The following FAM184A variants were observed in gnomAD, a reference collection of about 807,000 sequenced individuals.
FAM184A encodes family with sequence similarity 184 member A.
A neutral mutation model predicts 143.8 loss-of-function variants in FAM184A; 99 were observed. The ratio of observed to expected loss-of-function variants is 0.69; its 90% confidence interval spans 0.58 to 0.81. FAM184A has a LOEUF of 0.81. FAM184A is among the 40% of genes least tolerant of loss of function. The pLI is 0.00. For synonymous variants in FAM184A, 427 were observed against 446.4 expected (o/e 0.96, Z 0.55); for missense variants, 1,217 against 1,310.5 (o/e 0.93, Z 1.10).
chr6:119,076,748 G>A lies in FAM184A; in HGVS notation c.159+1393C>T, dbSNP rs188045703. 1.0e-3 allele frequency among the ~76,000 whole-genome samples: 156 copies of A among 152,232 alleles called. 2 individuals carry two copies. Among genetic ancestry groups the A allele is most frequent in the South Asian group, 5.2e-3 (25 of 4,824 alleles). ...TGCTTCATTCAGGACATCAATATTC[G>A]GAAGATCAAACACTACTGCAGGAAG... On this transcript the variant is annotated intron_variant, in intron 1 of 17. Transcript: ENST00000338891.
At chr6:118,971,451 AT>A (rs201748869) in intron 14 of FAM184A, among the ~76,000 whole-genome samples, 5,977 of 152,234 alleles carry the variant, frequency 0.039, 291 homozygotes, top group African/African-American at 0.11. Flanking sequence ...TCTCAGAACC[AT>A]CTTTTTGCAT....
chr6:119,047,911 A>G (rs957126844), intron 1 of FAM184A, among the ~76,000 whole-genome samples: 20 of 152,186 alleles, frequency 1.3e-4, no homozygotes, highest in African/African-American at 4.8e-4. Context: ...AAAACCTAGC[A>G]GAGACACACA....
intron 14 of FAM184A, among the ~76,000 whole-genome samples, chr6:118,973,735 A>G (rs1343329752): frequency 6.6e-6 from 1 of 152,202 alleles, no homozygotes; most frequent in African/African-American, 2.4e-5. Flanking sequence ...ATCAGTTTAC[A>G]AGCATCTAGG....
intron 1 of FAM184A, among the ~76,000 whole-genome samples, chr6:119,127,729 C>T (rs1249972583): frequency 2.6e-5 from 4 of 152,094 alleles, no homozygotes; most frequent in Admixed American, 1.3e-4. Context: ...TCCTTCCTTC[C>T]CAAGATGTCA....
At chr6:119,061,372 T>C (rs955954297) in intron 1 of FAM184A, among the ~76,000 whole-genome samples, 2 of 151,844 alleles carry the variant, frequency 1.3e-5, no homozygotes, top group African/African-American at 4.8e-5. Flanking sequence ...TTTTTTTTAA[T>C]AGAGACAAGG....
intron 14 of FAM184A, among the ~76,000 whole-genome samples, chr6:118,971,897 A>G (rs999087799): frequency 2.6e-5 from 4 of 152,200 alleles, no homozygotes; most frequent in African/African-American, 9.6e-5. Context: ...AAGCTTCCTC[A>G]GTGGCAGGCT....
intron 10 of FAM184A, 98 bp from the exon 11 acceptor site, chr6:118,979,616 A>T (rs1486187075): frequency 1.1e-6 from 1 of 933,956 alleles, no homozygotes; most frequent in African/African-American, 1.7e-5. Flanking sequence ...TTATTTAAGA[A>T]ATACAAAATG....
chr6:119,015,193 C>T (rs888575599), intron 5 of FAM184A, among the ~76,000 whole-genome samples: 25 of 152,200 alleles, frequency 1.6e-4, no homozygotes, highest in Admixed American at 1.2e-3. Flanking sequence ...TTGCTCTCGG[C>T]GCCTCCTCTG....
chr6:119,144,071 T>C (rs1772335001), intron 1 of FAM184A, among the ~76,000 whole-genome samples: 1 of 151,798 alleles, frequency 6.6e-6, no homozygotes, highest in Non-Finnish European at 1.5e-5. Context: ...CTCACGCCTG[T>C]AATCCCAGCA....
At chr6:119,100,639 A>G (rs1227670547) in intron 1 of FAM184A, among the ~76,000 whole-genome samples, 1 of 145,506 alleles carries the variant, frequency 6.9e-6, no homozygotes, top group Non-Finnish European at 1.5e-5. Context: ...GTACTGACCC[A>G]TTGGTTTAGT....
In FAM184A at chr6:119,023,555, G is replaced by A. The variant is rs63441160; in HGVS notation, c.1014+404C>T. 6.0e-4 allele frequency among the ~76,000 whole-genome samples: 4 copies of A among 6,718 alleles called. No homozygotes were observed. The South Asian group carries it at 0.023, about 38-fold the overall frequency. The allele number at this position is 6,718 out of a possible 152,430, so 4.4% of individuals were successfully genotyped here. On this transcript the variant is annotated intron_variant, in intron 2 of 17. Coordinates refer to ENST00000338891, the MANE Select transcript of FAM184A (RefSeq NM_024581.6). ...TTGTAAATAATTAGCAATATTGTCC[G>A]CCCCCCCCCCCAGGAACAGCGTATT...
At chr6:119,065,450 G>T (rs1167048827) in intron 1 of FAM184A, among the ~76,000 whole-genome samples, 4 of 152,226 alleles carry the variant, frequency 2.6e-5, no homozygotes, top group African/African-American at 9.6e-5. Context: ...CAAAGTGTCA[G>T]ATAATAAACA....
chr6:118,960,769 C>A lies in FAM184A; in HGVS notation c.3342-585G>T, dbSNP rs774967749. 11 of 1,361,042 alleles carry A rather than the reference C, an allele frequency of 8.1e-6. No individual in the cohort carries two copies. In the South Asian group the frequency reaches 1.3e-4, roughly 16 times the overall value. 84.3% of individuals were successfully genotyped at this position (1,361,042 alleles called of 1,614,324 possible). A position where few individuals can be genotyped will look rare whatever the true frequency, so the allele number is the denominator to read the frequency against. On this transcript the variant is annotated intron_variant, in intron 17 of 17. Transcript: ENST00000338891. ...CTTAAGAAAACAAAAGAATCCCTAC[C>A]GTCTTTGGGGAAAATTACAAGGCAC...
At chr6:119,117,106 CA>C (rs1207545370) in intron 1 of FAM184A, among the ~76,000 whole-genome samples, 1 of 152,164 alleles carries the variant, frequency 6.6e-6, no homozygotes, top group East Asian at 1.9e-4. Context: ...CGATTGCAAT[CA>C]TCGAGTTTGG....
chr6:119,133,931 T>G (rs1344231186), intron 1 of FAM184A, among the ~76,000 whole-genome samples: 1 of 151,554 alleles, frequency 6.6e-6, no homozygotes, highest in African/African-American at 2.4e-5. Flanking sequence ...ATCTTCCTGC[T>G]TTGGCCTCCC....
chr6:119,091,348 A>G (rs1451432849), intron 1 of FAM184A, among the ~76,000 whole-genome samples: 3 of 152,194 alleles, frequency 2.0e-5, no homozygotes, highest in Non-Finnish European at 4.4e-5. Flanking sequence ...TATCCTAGCT[A>G]TTAGATACAC....
At chr6:119,125,772 C>G (rs1789348026) in intron 1 of FAM184A, among the ~76,000 whole-genome samples, 1 of 152,128 alleles carries the variant, frequency 6.6e-6, no homozygotes, top group South Asian at 2.1e-4. Flanking sequence ...TTTCCAGAGT[C>G]TTGCTCATCG....
intron 1 of FAM184A, among the ~76,000 whole-genome samples, chr6:119,061,525 A>ATTTT (rs1476201793): frequency 3.7e-4 from 19 of 51,582 alleles, no homozygotes; most frequent in Admixed American, 5.5e-4. Flanking sequence ...CTGGCTAATT[A>ATTTT]TTTTTCTTTT....
At chr6:119,134,680 TA>T (rs942067847) in intron 1 of FAM184A, among the ~76,000 whole-genome samples, 3 of 136,568 alleles carry the variant, frequency 2.2e-5, no homozygotes, top group African/African-American at 8.2e-5. Flanking sequence ...GAGAAAGAAA[TA>T]AAAAAAGAAA....
Sources: allele counts gnomAD v4.1 joint callset (sites outside exome capture counted in the v4.1 genomes callset), GRCh38; gene constraint gnomAD v4.1.1; transcripts MANE v1.5; gene names NCBI Gene and HGNC (gene_info 2026-07-23, HGNC 2026-07-21).